ZNF521: variants seen among roughly 807,000 people sequenced by gnomAD.
ZNF521 encodes zinc finger protein 521.
Under a neutral mutation model 105.5 loss-of-function variants are expected in ZNF521, and 14 were observed. The ratio of observed to expected loss-of-function variants is 0.13; its 90% CI spans 0.09 to 0.21. The LOEUF (loss-of-function observed/expected upper bound fraction) is 0.21. Among genes scored for constraint, ZNF521 ranks in the 10% least tolerant of loss-of-function variants. The pLI, the probability that ZNF521 is intolerant of heterozygous loss-of-function variation, is 1.00. For missense variants in ZNF521, 1,233 were observed against 1,629.7 expected (o/e 0.76, Z 4.19); for synonymous variants, 635 against 606.0 (o/e 1.05, Z -0.70).
chr18:25,269,091 C>A (rs1600235428), intron 3 of ZNF521, among the ~76,000 whole-genome samples: 2 of 133,164 alleles, frequency 1.5e-5, no homozygotes, highest in Non-Finnish European at 1.6e-5. Context: ...GAATATTTAC[C>A]AAGCAAATGG....
rs755681993 is a variant in ZNF521, at chr18:25,330,828, T to C, written c.41-8641A>G. The stretch of plus-strand genomic sequence containing the variant: ...TTAAAAGGTGCACACAGCCTTCTCC[T>C]AAAAGAAAATATGGTAAGGAACCAC... On this transcript the variant is annotated intron_variant, in intron 2 of 7. Coordinates refer to ENST00000361524, the MANE Select transcript of ZNF521 (RefSeq NM_015461.3). 3.6e-4 allele frequency among the ~76,000 whole-genome samples: 55 copies of C among 152,110 alleles called. 1 individual carries two copies. The highest frequency in any genetic ancestry group is 6.8e-4 in the Non-Finnish European group (46 of 68,004).
intron 5 of ZNF521, among the ~76,000 whole-genome samples, chr18:25,140,938 G>A (rs1319850297): frequency 1.3e-5 from 2 of 152,072 alleles, no homozygotes; most frequent in Non-Finnish European, 2.9e-5. Context: ...CAAGCTAAGC[G>A]GCAAAAAGCA....
At chr18:25,175,661 T>C (rs1001155750) in intron 5 of ZNF521, among the ~76,000 whole-genome samples, 2 of 152,194 alleles carry the variant, frequency 1.3e-5, no homozygotes, top group African/African-American at 4.8e-5. Context: ...CTTGTTCACA[T>C]GTCACTTTTA....
Position 25,071,717 on chromosome 18 carries a change from C to T in ZNF521, c.3907-8976G>A, listed in dbSNP as rs74320691. 4.1e-3 allele frequency among the ~76,000 whole-genome samples: 618 copies of T among 152,282 alleles called. 7 individuals carry two copies. The highest frequency in any genetic ancestry group is 0.014 in the African/African-American group (574 of 41,550). On this transcript the variant is annotated intron_variant, in intron 7 of 7. Transcript: ENST00000361524. Reference sequence around the variant, plus strand: ...AAGTCCCAGAGGGTTGAAGCCAACACTCAAGGTCTTAGAGTTAGTCCCACG... The same window carrying T: ...AAGTCCCAGAGGGTTGAAGCCAACATTCAAGGTCTTAGAGTTAGTCCCACG...
chr18:25,349,764 G>A (rs1914634623), intron 2 of ZNF521, among the ~76,000 whole-genome samples: 1 of 150,562 alleles, frequency 6.6e-6, no homozygotes, highest in South Asian at 2.1e-4. Flanking sequence ...GCCGGGCCGC[G>A]CGGACCTCGG....
At chr18:25,160,078 T>C (rs2035222660) in intron 5 of ZNF521, among the ~76,000 whole-genome samples, 1 of 152,216 alleles carries the variant, frequency 6.6e-6, no homozygotes, top group African/African-American at 2.4e-5. Context: ...ACAACTCACC[T>C]GCCAGGACAC....
chr18:25,296,287 G>C (rs866227063), intron 3 of ZNF521, among the ~76,000 whole-genome samples: 4 of 152,222 alleles, frequency 2.6e-5, no homozygotes, highest in South Asian at 2.1e-4. Flanking sequence ...AGAAGTTATT[G>C]TCATCTGCCA....
chr18:25,223,731 G>T (rs1055401957), intron 4 of ZNF521, among the ~76,000 whole-genome samples: 1 of 151,788 alleles, frequency 6.6e-6, no homozygotes, highest in African/African-American at 2.4e-5. Flanking sequence ...AACCCAGAGA[G>T]TAGGCCTCAA....
chr18:25,192,746 G>A (rs1350245154), intron 5 of ZNF521, among the ~76,000 whole-genome samples: 1 of 151,002 alleles, frequency 6.6e-6, no homozygotes, highest in Non-Finnish European at 1.5e-5. Context: ...CCTCAATGGA[G>A]GTATTTTAGC....
chr18:25,333,459 GT>G (rs1913704079), intron 2 of ZNF521, among the ~76,000 whole-genome samples: 1 of 151,916 alleles, frequency 6.6e-6, no homozygotes, highest in African/African-American at 2.4e-5. Context: ...CAATTCCGCT[GT>G]TGCTGTTTGT....
intron 3 of ZNF521, among the ~76,000 whole-genome samples, chr18:25,273,077 T>C (rs906830282): frequency 4.8e-4 from 72 of 150,686 alleles, no homozygotes; most frequent in African/African-American, 1.7e-3. Context: ...AAATAAAAAA[T>C]TTAGCCAGGC....
At chr18:25,186,268 A>C (rs1005424651) in intron 5 of ZNF521, among the ~76,000 whole-genome samples, 4 of 152,218 alleles carry the variant, frequency 2.6e-5, no homozygotes, top group Non-Finnish European at 5.9e-5. Context: ...TGAAATATTA[A>C]GACATAATAA....
At chr18:25,256,497 C>T (rs565052865) in intron 3 of ZNF521, among the ~76,000 whole-genome samples, 5 of 152,130 alleles carry the variant, frequency 3.3e-5, no homozygotes, top group African/African-American at 4.8e-5. Flanking sequence ...AAGACAGTGA[C>T]GATTCCAAGG....
At chr18:25,199,969 T>C (rs561843584) in intron 4 of ZNF521, among the ~76,000 whole-genome samples, 1 of 151,886 alleles carries the variant, frequency 6.6e-6, no homozygotes, top group Admixed American at 6.6e-5. Flanking sequence ...AGAACTTGTA[T>C]GTAAAAAAAA....
chr18:25,336,099 A>G (rs1913866997), intron 2 of ZNF521, among the ~76,000 whole-genome samples: 1 of 152,204 alleles, frequency 6.6e-6, no homozygotes. Context: ...AAATTAAAGC[A>G]CCGGCTAGAC....
chr18:25,152,576 G>A (rs1265419344), intron 5 of ZNF521, among the ~76,000 whole-genome samples: 1 of 151,902 alleles, frequency 6.6e-6, no homozygotes, highest in African/African-American at 2.4e-5. Flanking sequence ...CAATTACCAA[G>A]GGATTTTTAC....
At chr18:25,320,528 T>A (rs1912884216) in intron 3 of ZNF521, among the ~76,000 whole-genome samples, 1 of 152,064 alleles carries the variant, frequency 6.6e-6, no homozygotes, top group African/African-American at 2.4e-5. Context: ...GAGAATAGAT[T>A]TGTTCTTCAG....
At chr18:25,325,104 A>T (rs531639193) in intron 2 of ZNF521, among the ~76,000 whole-genome samples, 18 of 152,330 alleles carry the variant, frequency 1.2e-4, no homozygotes, top group African/African-American at 3.6e-4. Context: ...GGGTTCGATT[A>T]TAGCCTATGA....
chr18:25,185,799 G>A (rs1043704977), intron 5 of ZNF521, among the ~76,000 whole-genome samples: 2 of 152,100 alleles, frequency 1.3e-5, no homozygotes, highest in East Asian at 1.9e-4. Context: ...GGGGAGAAAC[G>A]GAAGAAGAGG....
Sources: allele counts gnomAD v4.1 joint callset (sites outside exome capture counted in the v4.1 genomes callset), GRCh38; gene constraint gnomAD v4.1.1; transcripts MANE v1.5; gene names NCBI Gene and HGNC (gene_info 2026-07-23, HGNC 2026-07-21).